Variants in PSTPIP2 observed in about 807,000 individuals in gnomAD.
PSTPIP2 encodes the protein proline-serine-threonine phosphatase interacting protein 2, also known as proline-serine-threonine phosphatase-interacting protein 2.
A neutral mutation model predicts 63.3 loss-of-function variants in PSTPIP2; 33 were observed. That is an observed-to-expected ratio of 0.52 (90% confidence interval 0.40 to 0.70). The LOEUF (loss-of-function observed/expected upper bound fraction) is 0.70. Among genes scored for constraint, PSTPIP2 ranks in the 30% least tolerant of loss-of-function variants. The pLI, the probability that PSTPIP2 is intolerant of heterozygous loss-of-function variation, is 0.00. For synonymous variants in PSTPIP2, 125 were observed against 132.7 expected (o/e 0.94, Z 0.40); for missense variants, 312 against 400.7 (o/e 0.78, Z 1.89).
intron 3 of PSTPIP2, among the ~76,000 whole-genome samples, chr18:46,021,286 C>A (rs1319496308): frequency 6.6e-6 from 1 of 152,066 alleles, no homozygotes; most frequent in African/African-American, 2.4e-5. Flanking sequence ...CATAATCACA[C>A]AGAGCAAATA....
At chr18:46,058,610 T>C (rs1046467436) in intron 1 of PSTPIP2, among the ~76,000 whole-genome samples, 2 of 152,244 alleles carry the variant, frequency 1.3e-5, no homozygotes, top group Non-Finnish European at 2.9e-5. Flanking sequence ...CCACCCACCT[T>C]GGCCTCCCAA....
chr18:46,025,520 G>A (rs1169571736), intron 2 of PSTPIP2, among the ~76,000 whole-genome samples: 1 of 151,930 alleles, frequency 6.6e-6, no homozygotes, highest in Admixed American at 6.6e-5. Context: ...TAACTTTCAT[G>A]TTTATGTAAT....
intron 6 of PSTPIP2, among the ~76,000 whole-genome samples, 176 bp downstream of exon 6, chr18:46,005,293 T>TACA (rs747096652): frequency 6.6e-6 from 1 of 152,156 alleles, no homozygotes; most frequent in Non-Finnish European, 1.5e-5. Flanking sequence ...TAATAATATG[T>TACA]ACAACAACAA....
chr18:45,986,877 G>A lies in PSTPIP2; in HGVS notation c.*9-1427C>T, dbSNP rs560443215. On this transcript the variant is annotated intron_variant, in intron 14 of 14. Transcript: ENST00000409746. ...TCCTTTGACTGAGTCTTGCTCTGTC[G>A]CCCAGGCTGGAGTGCAGTGGCGCAA... Among the ~76,000 whole-genome samples, 5 of 152,206 alleles carry A rather than the reference G, an allele frequency of 3.3e-5. No homozygotes were observed. The East Asian group carries it at 9.6e-4, about 29-fold the overall frequency.
chr18:45,999,597 C>A (rs890985836), intron 6 of PSTPIP2, 63 bp from the exon 7 acceptor site: 6 of 1,567,552 alleles, frequency 3.8e-6, no homozygotes, highest in Admixed American at 1.7e-5. Flanking sequence ...GAAATGCAGC[C>A]CCCTTGGCCC....
intron 5 of PSTPIP2, among the ~76,000 whole-genome samples, chr18:46,009,499 C>A (rs1024346783): frequency 1.3e-5 from 2 of 151,748 alleles, no homozygotes; most frequent in Non-Finnish European, 2.9e-5. Context: ...AAGGTATTAT[C>A]CCACTGCAGA....
rs1434801850 is a variant in PSTPIP2 at position 45,993,905 on chromosome 18, CA to C, written c.643-203del. ...AACAAATCCTAATATCACAGTAACA[CA>C]AACAGGCTTGGAAATAGTTCTGAGG... is the stretch of plus-strand genomic sequence containing the variant. On this transcript the variant is annotated intron_variant, in intron 9 of 14. Transcript: ENST00000409746. 2.7e-5 allele frequency: 15 copies of C among 557,652 alleles called. No homozygotes were observed. In the East Asian group the frequency reaches 4.7e-4, roughly 17 times the overall value. 34.5% of individuals were successfully genotyped at this position (557,652 alleles called of 1,614,324 possible). A position where few individuals can be genotyped will look rare whatever the true frequency, so the allele number is the denominator to read the frequency against.
chr18:46,021,746 G>C (rs1907361138), intron 3 of PSTPIP2, among the ~76,000 whole-genome samples: 1 of 144,284 alleles, frequency 6.9e-6, no homozygotes, highest in Admixed American at 7.4e-5. Flanking sequence ...AGGAGTTCAA[G>C]ACCAGCCTGA....
intron 6 of PSTPIP2, among the ~76,000 whole-genome samples, chr18:46,002,959 G>T (rs970438644): frequency 6.6e-6 from 1 of 152,174 alleles, no homozygotes; most frequent in Non-Finnish European, 1.5e-5. Flanking sequence ...ATATTTGATT[G>T]ATTTGGGGGA....
At chr18:46,068,087 T>C (rs1207002932) in intron 1 of PSTPIP2, among the ~76,000 whole-genome samples, 1 of 151,492 alleles carries the variant, frequency 6.6e-6, no homozygotes, top group Non-Finnish European at 1.5e-5. Context: ...CAACCACAGA[T>C]GAAAAATATT....
rs113275438 is a variant in PSTPIP2 at position 46,072,171 on chromosome 18, G to C, written c.18C>G (p.Phe6Leu). 2.7e-5 allele frequency: 41 copies of C among 1,535,588 alleles called. 2 individuals are homozygous for C. The African/African-American group carries it at 3.7e-4, about 14-fold the overall frequency. Reference protein sequence around the residue: MTRSLFKGNFWSADIL... With the variant: MTRSLLKGNFWSADIL... ...CACGACTTACCCAAAAGTTTCCCTTGAACAGTGAGCGCGTCATCGCAGCGC... is the reference window on the plus strand; with the variant it reads ...CACGACTTACCCAAAAGTTTCCCTTCAACAGTGAGCGCGTCATCGCAGCGC... The change falls in exon 1 of 15, where the codon TTC (phenylalanine) becomes TTG (leucine). Residue 6 changes from phenylalanine (F) to leucine (L), a missense_variant. Coordinates refer to ENST00000409746, the MANE Select transcript of PSTPIP2 (RefSeq NM_024430.4).
At chr18:46,063,094 A>T (rs774015115) in intron 1 of PSTPIP2, among the ~76,000 whole-genome samples, 1 of 152,144 alleles carries the variant, frequency 6.6e-6, no homozygotes. Flanking sequence ...CTTCAACCGC[A>T]TGGACTCAAG....
intron 1 of PSTPIP2, among the ~76,000 whole-genome samples, chr18:46,051,510 C>G (rs1908581963): frequency 6.6e-6 from 1 of 152,094 alleles, no homozygotes; most frequent in African/African-American, 2.4e-5. Flanking sequence ...CTGAAAACAA[C>G]ACAGATTATT....
chr18:45,991,859 G>C (rs1198524625), intron 12 of PSTPIP2, 43 bp downstream of exon 12: 2 of 1,504,346 alleles, frequency 1.3e-6, no homozygotes, highest in Admixed American at 3.5e-5. Context: ...AACAATGTTT[G>C]TTAAAAGTAT....
At chr18:46,004,907 C>T (rs924801964) in intron 6 of PSTPIP2, among the ~76,000 whole-genome samples, 2 of 152,118 alleles carry the variant, frequency 1.3e-5, no homozygotes, top group African/African-American at 2.4e-5. Context: ...GACACATGCA[C>T]GTGAATGTTC....
At chr18:46,026,426 T>G (rs1040917674) in intron 2 of PSTPIP2, among the ~76,000 whole-genome samples, 1 of 152,260 alleles carries the variant, frequency 6.6e-6, no homozygotes, top group Non-Finnish European at 1.5e-5. Context: ...TTCCTATTAA[T>G]TTGGTAGAAG....
intron 1 of PSTPIP2, among the ~76,000 whole-genome samples, chr18:46,070,726 C>T (rs1284884687): frequency 6.6e-6 from 1 of 152,088 alleles, no homozygotes; most frequent in African/African-American, 2.4e-5. Context: ...CACTATGTTG[C>T]CCAGGGTGGT....
At chr18:46,005,711 C>T (rs984796822) in intron 5 of PSTPIP2, among the ~76,000 whole-genome samples, 180 bp from the exon 6 acceptor site, 9 of 152,188 alleles carry the variant, frequency 5.9e-5, no homozygotes, top group Non-Finnish European at 1.2e-4. Context: ...TAGCTAATAA[C>T]GGGGCCCATC....
In PSTPIP2 at chr18:45,985,465, C is replaced by T; in HGVS notation, c.*9-15G>A. On this transcript the variant is annotated splice_polypyrimidine_tract_variant and intron_variant, in intron 14 of 14. Coordinates refer to ENST00000409746, the MANE Select transcript of PSTPIP2 (RefSeq NM_024430.4). ...AGCTCTGGTTTCTGAAAGAAAATAA[C>T]AAAGAAATTTCCTCTGAATGAAAGG... is the stretch of plus-strand genomic sequence containing the variant. 3 of 1,612,464 alleles carry T rather than the reference C, an allele frequency of 1.9e-6. No homozygotes were observed. Among genetic ancestry groups the T allele is most frequent in the Non-Finnish European group, 2.5e-6 (3 of 1,179,246 alleles).
Sources: allele counts gnomAD v4.1 joint callset (sites outside exome capture counted in the v4.1 genomes callset), GRCh38; gene constraint gnomAD v4.1.1; transcripts MANE v1.5; gene names NCBI Gene and HGNC (gene_info 2026-07-23, HGNC 2026-07-21).